Variants in NREP observed in about 807,000 individuals in gnomAD.
The protein encoded by NREP is neuronal regeneration related protein.
A neutral mutation model predicts 8.6 loss-of-function variants in NREP; 5 were observed. That is an observed-to-expected ratio of 0.58 (90% confidence interval 0.30 to 1.22). The LOEUF (loss-of-function observed/expected upper bound fraction) is 1.22, where lower values mean the gene tolerates loss of function less well. Ranked by LOEUF, NREP falls within the 50% of genes most tolerant of loss-of-function variation. The probability of loss-of-function intolerance (pLI) is 0.07; values close to 1 mark genes in which losing one functional copy is unlikely to be tolerated. For missense variants in NREP, 86 were observed against 82.5 expected (o/e 1.04, Z -0.17); for synonymous variants, 27 against 28.0 (o/e 0.96, Z 0.11).
chr5:111,808,361 G>A (rs9326844), intron 2 of NREP, among the ~76,000 whole-genome samples: 150,632 of 152,308 alleles, frequency 0.99, 74,513 homozygotes, highest in East Asian at 1. Flanking sequence ...TGAACATTTG[G>A]TGTTTAAAAT....
chr5:111,970,413 G>A (rs1012817988), intron 2 of NREP, among the ~76,000 whole-genome samples: 13 of 152,212 alleles, frequency 8.5e-5, no homozygotes, highest in South Asian at 2.1e-4. Flanking sequence ...GCTTTGTATC[G>A]GTGATTCACG....
At chr5:111,802,011 A>T (rs6897269) in intron 2 of NREP, among the ~76,000 whole-genome samples, 26,786 of 152,066 alleles carry the variant, frequency 0.18, 4,747 homozygotes, top group African/African-American at 0.46. Flanking sequence ...AGGCTCCTAC[A>T]TTCTATACCT....
chr5:111,956,855 T>C (rs1205837704), intron 2 of NREP, among the ~76,000 whole-genome samples: 1 of 151,888 alleles, frequency 6.6e-6, no homozygotes, highest in Non-Finnish European at 1.5e-5. Flanking sequence ...TCCCAGCTAC[T>C]TGGGAGGCTG....
intron 2 of NREP, among the ~76,000 whole-genome samples, chr5:111,754,188 GTAA>G (rs1750558479): frequency 6.6e-6 from 1 of 152,144 alleles, no homozygotes; most frequent in Admixed American, 6.5e-5. Flanking sequence ...AAATTAACAC[GTAA>G]TAATAATTTG....
intron 2 of NREP, among the ~76,000 whole-genome samples, chr5:111,770,300 A>G (rs1467027837): frequency 1.4e-4 from 21 of 152,128 alleles, no homozygotes; most frequent in Admixed American, 1.4e-3. Flanking sequence ...TTTATTGACT[A>G]TTTCATAAAT....
intron 2 of NREP, among the ~76,000 whole-genome samples, chr5:111,869,618 TG>T (rs1456747318): frequency 6.6e-6 from 1 of 152,184 alleles, no homozygotes; most frequent in Non-Finnish European, 1.5e-5. Context: ...CAGACAGGTC[TG>T]GGTTCAAATG....
In NREP at chr5:111,921,718, T is replaced by C. The variant is rs142160139; in HGVS notation, c.135+53556A>G. Among the ~76,000 whole-genome samples the C allele has an allele frequency of 6.7e-3, 1,026 of 152,266 alleles. 9 individuals are homozygous for C. Among genetic ancestry groups the C allele is most frequent in the Middle Eastern group, 0.024 (7 of 294 alleles). Reference sequence around the variant, plus strand: ...TGCTATGATTCCCAGCTGATATGGTTTGGCTGTGTCCCCATTCAAATCTCA... The same window carrying C: ...TGCTATGATTCCCAGCTGATATGGTCTGGCTGTGTCCCCATTCAAATCTCA... On this transcript the variant is annotated intron_variant, in intron 2 of 3. Coordinates refer to the NREP transcript ENST00000395634.
At chr5:111,958,830 AT>A (rs139718728) in intron 2 of NREP, among the ~76,000 whole-genome samples, 4,909 of 152,084 alleles carry the variant, frequency 0.032, 114 homozygotes, top group Non-Finnish European at 0.046. Context: ...AATATCAAGA[AT>A]TTTTTTAAGG....
intron 2 of NREP, among the ~76,000 whole-genome samples, chr5:111,956,839 C>G (rs1756334545): frequency 6.6e-6 from 1 of 151,958 alleles, no homozygotes; most frequent in Non-Finnish European, 1.5e-5. Context: ...TGGTGTATGC[C>G]TGTAATCCCA....
chr5:111,925,758 C>G lies in NREP; in HGVS notation c.135+49516G>C, dbSNP rs77195975. 5.1e-3 allele frequency among the ~76,000 whole-genome samples: 769 copies of G among 152,198 alleles called. 11 individuals are homozygous for G. Among genetic ancestry groups the G allele is most frequent in the African/African-American group, 0.018 (749 of 41,532 alleles). ...CTTAGAGTAATTAAGAAGTTTGGCCCCAGTTTTTCATAGGCCCTCCAGTAT... is the reference window on the plus strand; with the variant it reads ...CTTAGAGTAATTAAGAAGTTTGGCCGCAGTTTTTCATAGGCCCTCCAGTAT... On this transcript the variant is annotated intron_variant, in intron 2 of 3. Transcript: ENST00000395634.
chr5:111,808,896 TGTA>T (rs1441422670), intron 2 of NREP, among the ~76,000 whole-genome samples: 1 of 152,242 alleles, frequency 6.6e-6, no homozygotes, highest in African/African-American at 2.4e-5. Context: ...CATGCTGGTA[TGTA>T]GTATGTACTT....
intron 2 of NREP, among the ~76,000 whole-genome samples, chr5:111,783,354 T>C (rs535017525): frequency 1.3e-5 from 2 of 152,304 alleles, no homozygotes; most frequent in African/African-American, 4.8e-5. Context: ...TAAGATTACC[T>C]AGTATATTCT....
At chr5:111,890,267 T>C (rs1263224870) in intron 2 of NREP, among the ~76,000 whole-genome samples, 2 of 62,746 alleles carry the variant, frequency 3.2e-5, no homozygotes, top group African/African-American at 6.4e-5. Context: ...CAGGGCACAC[T>C]GTTGTAAGGG....
intron 2 of NREP, among the ~76,000 whole-genome samples, chr5:111,903,849 C>G (rs1292412714): frequency 2.0e-5 from 3 of 152,128 alleles, no homozygotes; most frequent in African/African-American, 7.2e-5. Context: ...TCTACAAGGT[C>G]CAAGTTATTC....
intron 1 of NREP, 143 bp downstream of exon 1, chr5:111,756,993 T>C (rs1178503865): frequency 6.4e-6 from 1 of 155,416 alleles, no homozygotes; most frequent in East Asian, 1.9e-4. Flanking sequence ...TTCTCCAAGG[T>C]ACACGCTTCA....
chr5:111,909,079 G>A (rs957250226), intron 2 of NREP, among the ~76,000 whole-genome samples: 3 of 151,692 alleles, frequency 2.0e-5, no homozygotes, highest in East Asian at 1.9e-4. Flanking sequence ...GGGCTTTTTG[G>A]TTTTTGCTTG....
intron 2 of NREP, among the ~76,000 whole-genome samples, chr5:111,902,856 T>C (rs1003882615): frequency 6.6e-6 from 1 of 152,070 alleles, no homozygotes; most frequent in African/African-American, 2.4e-5. Flanking sequence ...TGTTTTTGTT[T>C]CCTAATCTTA....
intron 2 of NREP, among the ~76,000 whole-genome samples, chr5:111,889,223 A>G (rs1426652118): frequency 6.6e-6 from 1 of 152,252 alleles, no homozygotes; most frequent in Non-Finnish European, 1.5e-5. Flanking sequence ...CAGTCATGAC[A>G]GAAGGCAAAA....
At chr5:111,801,899 T>C (rs189073373) in intron 2 of NREP, among the ~76,000 whole-genome samples, 61 of 152,276 alleles carry the variant, frequency 4.0e-4, no homozygotes, top group Non-Finnish European at 6.5e-4. Context: ...TATCGGCACA[T>C]TTTCTCCTGC....
Sources: gnomAD v4.1 joint callset for allele counts (sites outside exome capture counted in the v4.1 genomes callset) on GRCh38, gnomAD v4.1.1 for gene constraint, MANE v1.5 for transcripts, NCBI Gene and HGNC (gene_info 2026-07-23, HGNC 2026-07-21) for gene names.